The following ARL13B variants were observed in gnomAD, a reference collection of about 807,000 sequenced individuals.
ARL13B encodes the protein ADP-ribosylation factor-like protein 13B.
ARL13B carries 36 observed loss-of-function variants against 56.1 expected under a neutral mutation model. The ratio of observed to expected loss-of-function variants is 0.64; its 90% CI spans 0.49 to 0.85. The LOEUF is 0.85. Among genes scored for constraint, ARL13B ranks in the 40% least tolerant of loss-of-function variants. ARL13B has a pLI of 0.00. For missense variants in ARL13B, 519 were observed against 507.1 expected, an observed-to-expected ratio of 1.02 and a Z score of -0.23; for synonymous variants, 178 against 171.1, an observed-to-expected ratio of 1.04 and a Z score of -0.32.
Position 93,997,912 on chromosome 3 carries a change from C to T in ARL13B, c.130+1968C>T, listed in dbSNP as rs146973703. Among the ~76,000 whole-genome samples, 977 of 152,100 alleles carry T rather than the reference C, an allele frequency of 6.4e-3. 8 individuals are homozygous for T. Among genetic ancestry groups the T allele is most frequent in the Admixed American group, 9.8e-3 (150 of 15,258 alleles). ...TGAGGCAGGAAAATTGCTTGAACCC[C>T]GGAGATGGAGGTTGAGTGAGCTGGG... is the stretch of plus-strand genomic sequence containing the variant. On this transcript the variant is annotated intron_variant, in intron 2 of 9. Coordinates refer to ENST00000394222, the MANE Select transcript of ARL13B (RefSeq NM_001174150.2).
chr3:93,992,824 ACT>A (rs926853545), intron 1 of ARL13B, among the ~76,000 whole-genome samples: 4 of 152,010 alleles, frequency 2.6e-5, no homozygotes, highest in Non-Finnish European at 4.4e-5. Context: ...ACAGCATCTC[ACT>A]CTGTTGCCCA....
At chr3:93,986,696 T>C (rs1198947534) in intron 1 of ARL13B, among the ~76,000 whole-genome samples, 2 of 152,188 alleles carry the variant, frequency 1.3e-5, no homozygotes, top group African/African-American at 2.4e-5. Context: ...GGGCCAGGCA[T>C]GATGGCTCGC....
chr3:94,045,520 A>G (rs185994492), intron 7 of ARL13B, among the ~76,000 whole-genome samples: 27 of 152,204 alleles, frequency 1.8e-4, no homozygotes, highest in African/African-American at 5.8e-4. Context: ...TGTAGATTTA[A>G]GGCAATTCCA....
At chr3:93,994,542 A>G (rs1284278775) in intron 1 of ARL13B, among the ~76,000 whole-genome samples, 1 of 152,112 alleles carries the variant, frequency 6.6e-6, no homozygotes. Context: ...AAGCTTAATA[A>G]GGAAGAGTTT....
intron 3 of ARL13B, among the ~76,000 whole-genome samples, chr3:94,029,349 ATTTT>A (rs869211830): frequency 4.5e-5 from 4 of 88,070 alleles, no homozygotes; most frequent in African/African-American, 1.7e-4. Context: ...TTTTTTTTTT[ATTTT>A]TTTTTTTTTT....
intron 3 of ARL13B, among the ~76,000 whole-genome samples, chr3:94,012,462 T>A (rs1353072988): frequency 1.3e-5 from 2 of 152,166 alleles, no homozygotes; most frequent in African/African-American, 4.8e-5. Context: ...CAGAAGTTAA[T>A]CTAACTTTTT....
At chr3:94,016,092 G>A (rs2076328433) in intron 3 of ARL13B, among the ~76,000 whole-genome samples, 1 of 151,954 alleles carries the variant, frequency 6.6e-6, no homozygotes, top group Non-Finnish European at 1.5e-5. Context: ...TCAAATTGAT[G>A]TACATAATTT....
chr3:94,052,743 T>C (rs182370242), intron 9 of ARL13B, among the ~76,000 whole-genome samples: 1 of 152,310 alleles, frequency 6.6e-6, no homozygotes, highest in East Asian at 1.9e-4. Context: ...AATGCTATTA[T>C]ATTTGGTGCT....
chr3:94,033,050 T>A (rs1376938344), intron 3 of ARL13B, among the ~76,000 whole-genome samples: 1 of 152,226 alleles, frequency 6.6e-6, no homozygotes, highest in Non-Finnish European at 1.5e-5. Flanking sequence ...TTCAACTATT[T>A]AAAAAAGCAT....
rs1466664494 is a variant in ARL13B, at chr3:94,054,231, A to G, written c.*968A>G. The G allele has an allele frequency of 2.2e-6, 1 of 452,770 alleles. No individual in the cohort carries two copies. Among genetic ancestry groups the G allele is most frequent in the Non-Finnish European group, 4.4e-6 (1 of 225,950 alleles). The allele number at this position is 452,770 out of a possible 1,614,324, so 28.0% of individuals were successfully genotyped here. A position where few individuals can be genotyped will look rare whatever the true frequency, so the allele number is the denominator to read the frequency against. On this transcript the variant is annotated 3_prime_UTR_variant, in exon 10 of 10. Coordinates refer to ENST00000394222, the MANE Select transcript of ARL13B (RefSeq NM_001174150.2). ...AAATTAAAGGCAGAAAAACTGGAAA[A>G]CCTACTGCAGGTCCAGAGACTTCTG...
At position 94,003,581 on chromosome 3, in the gene ARL13B, G is replaced by A. The variant is rs145592619; in HGVS notation, c.131-78G>A. ...TGAATGCTAAATATTTCACTTGGGT[G>A]CTAAAATTTTAGTTGAAAAATTAAC... On this transcript the variant is annotated intron_variant, in intron 2 of 9. Coordinates refer to ENST00000394222, the MANE Select transcript of ARL13B (RefSeq NM_001174150.2). 1,177 of 1,499,452 alleles carry A rather than the reference G, an allele frequency of 7.8e-4. 25 individuals are homozygous for A. In the East Asian group the frequency reaches 0.026, roughly 34 times the overall value. 92.9% of individuals were successfully genotyped at this position (1,499,452 alleles called of 1,614,324 possible). A position where few individuals can be genotyped will look rare whatever the true frequency, so the allele number is the denominator to read the frequency against.
chr3:94,022,996 C>T (rs1357889808), intron 3 of ARL13B, among the ~76,000 whole-genome samples: 1 of 151,736 alleles, frequency 6.6e-6, no homozygotes, highest in East Asian at 1.9e-4. Flanking sequence ...TTTTGAGGCT[C>T]CTTTCCTGGA....
intron 6 of ARL13B, among the ~76,000 whole-genome samples, chr3:94,042,196 A>G (rs2076875532): frequency 6.6e-6 from 1 of 152,222 alleles, no homozygotes; most frequent in Admixed American, 6.5e-5. Flanking sequence ...GTCAATCATG[A>G]TATGTGGTAT....
intron 1 of ARL13B, among the ~76,000 whole-genome samples, chr3:93,987,944 C>T (rs981230036): frequency 4.6e-5 from 7 of 152,096 alleles, no homozygotes; most frequent in African/African-American, 1.7e-4. Context: ...CTGCACCCGG[C>T]CTCTTTTTTA....
intron 1 of ARL13B, among the ~76,000 whole-genome samples, chr3:93,984,077 G>A (rs558909937): frequency 1.5e-4 from 23 of 152,232 alleles, no homozygotes; most frequent in Admixed American, 7.8e-4. Flanking sequence ...CATAAGGGGC[G>A]GAGCACGGTG....
At chr3:94,005,818 A>T (rs976755280) in intron 3 of ARL13B, among the ~76,000 whole-genome samples, 2 of 152,158 alleles carry the variant, frequency 1.3e-5, no homozygotes, top group Admixed American at 6.5e-5. Context: ...ATTCTTAGTA[A>T]ATTTCAAAGA....
intron 1 of ARL13B, among the ~76,000 whole-genome samples, chr3:93,982,746 C>T (rs1710280471): frequency 6.6e-6 from 1 of 152,150 alleles, no homozygotes; most frequent in Non-Finnish European, 1.5e-5. Context: ...CCCCTGTCTT[C>T]TAAGTCCCCT....
chr3:94,034,388 A>T (rs912531701), intron 3 of ARL13B, among the ~76,000 whole-genome samples: 1 of 152,138 alleles, frequency 6.6e-6, no homozygotes, highest in Admixed American at 6.5e-5. Flanking sequence ...TATTTTATTA[A>T]ACTTTTAAAT....
intron 2 of ARL13B, among the ~76,000 whole-genome samples, chr3:94,000,199 A>T (rs745554801): frequency 1.4e-4 from 21 of 152,200 alleles, no homozygotes; most frequent in Non-Finnish European, 2.9e-4. Context: ...TAGGTACCTC[A>T]CATTGTTAGT....
Sources: allele counts gnomAD v4.1 joint callset (sites outside exome capture counted in the v4.1 genomes callset), GRCh38; gene constraint gnomAD v4.1.1; transcripts MANE v1.5; gene names NCBI Gene and HGNC (gene_info 2026-07-23, HGNC 2026-07-21).